The following GLI2 variants were observed in gnomAD, a reference collection of about 807,000 sequenced individuals.
GLI2 encodes the protein GLI family zinc finger 2, also known as transcription activator GLI2.
Under a neutral mutation model 78.9 loss-of-function variants are expected in GLI2, and 22 were observed. That is an observed-to-expected ratio of 0.28 (90% confidence interval 0.20 to 0.40). The LOEUF (loss-of-function observed/expected upper bound fraction) is 0.40. Among genes scored for constraint, GLI2 ranks in the 10% least tolerant of loss-of-function variants. The pLI is 1.00. For synonymous variants in GLI2, 974 were observed against 963.7 expected (o/e 1.01, Z -0.20); for missense variants, 2,097 against 2,213.2 (o/e 0.95, Z 1.05).
chr2:120,801,050 G>C (rs139339081), intron 2 of GLI2, among the ~76,000 whole-genome samples: 1 of 152,082 alleles, frequency 6.6e-6, no homozygotes, highest in Non-Finnish European at 1.5e-5. Flanking sequence ...CACCAGTTCC[G>C]AGAGCTTCCA....
At chr2:120,962,341 C>G (rs1681606727) in intron 5 of GLI2, among the ~76,000 whole-genome samples, 1 of 152,168 alleles carries the variant, frequency 6.6e-6, no homozygotes, top group African/African-American at 2.4e-5. Context: ...TGCCTGGTGC[C>G]TCGGAGTACT....
rs182594982 is a variant in GLI2 at position 120,759,817 on chromosome 2, C to T, written c.-31+23532C>T. Among the ~76,000 whole-genome samples the T allele has an allele frequency of 1.1e-4, 16 of 152,314 alleles. No individual in the cohort carries two copies. The East Asian group carries it at 3.1e-3, about 29-fold the overall frequency. ...CTTGGATTTTCAGGTGACCGGCTTCCATCCTGAAACTACCTAGGGCCTACC... is the reference window on the plus strand; with the variant it reads ...CTTGGATTTTCAGGTGACCGGCTTCTATCCTGAAACTACCTAGGGCCTACC... On this transcript the variant is annotated intron_variant, in intron 1 of 13. Coordinates refer to ENST00000361492, the MANE Select transcript of GLI2 (RefSeq NM_001374353.1).
chr2:120,814,585 G>A (rs536243502), intron 2 of GLI2, among the ~76,000 whole-genome samples: 2 of 152,150 alleles, frequency 1.3e-5, no homozygotes, highest in Non-Finnish European at 2.9e-5. Flanking sequence ...GCCGCATAGC[G>A]GGAGGTGAGC....
chr2:120,986,076 G>A (rs1682956169), intron 12 of GLI2, among the ~76,000 whole-genome samples: 1 of 152,268 alleles, frequency 6.6e-6, no homozygotes, highest in Non-Finnish European at 1.5e-5. Context: ...GGGAAGCCAA[G>A]GTTAAGAGAA....
At chr2:120,851,303 G>T (rs1687395288) in intron 2 of GLI2, among the ~76,000 whole-genome samples, 1 of 152,218 alleles carries the variant, frequency 6.6e-6, no homozygotes, top group African/African-American at 2.4e-5. Flanking sequence ...TGATGGCTAG[G>T]CTGGGCTGGG....
intron 3 of GLI2, among the ~76,000 whole-genome samples, chr2:120,928,116 A>G (rs970397437): frequency 1.3e-5 from 2 of 151,950 alleles, no homozygotes; most frequent in Admixed American, 6.5e-5. Flanking sequence ...TCCTCCTTCC[A>G]GGAAAGAAGG....
intron 2 of GLI2, among the ~76,000 whole-genome samples, chr2:120,818,230 C>T (rs1360093318): frequency 2.4e-4 from 37 of 152,180 alleles, no homozygotes; most frequent in Admixed American, 2.4e-3. Context: ...GCCTGCAGGG[C>T]AGGGGTGTGG....
chr2:120,759,434 G>A (rs1040368388), intron 1 of GLI2, among the ~76,000 whole-genome samples: 8 of 152,172 alleles, frequency 5.3e-5, no homozygotes, highest in South Asian at 2.1e-4. Context: ...TTCCCATGCC[G>A]CCTTCCTTGG....
chr2:120,744,537 A>G (rs947714000), intron 1 of GLI2, among the ~76,000 whole-genome samples: 6 of 152,242 alleles, frequency 3.9e-5, no homozygotes, highest in Non-Finnish European at 7.3e-5. Flanking sequence ...GGTACATAAT[A>G]TAGTAATTTA....
chr2:120,981,606 C>G (rs763273757), intron 10 of GLI2, among the ~76,000 whole-genome samples: 16 of 152,134 alleles, frequency 1.1e-4, no homozygotes, highest in Non-Finnish European at 8.8e-5. Flanking sequence ...CGTTTGGAGC[C>G]AAGCATGCTC....
rs1683071672 is a variant in GLI2, at chr2:120,988,203, C to G, written c.2243-5C>G. On this transcript the variant is annotated splice_polypyrimidine_tract_variant and splice_region_variant and intron_variant, in intron 13 of 13. Transcript: ENST00000361492. ...CCCGGTGCTGACCCCTCTGCTCTCCCGCAGGCTCCATCCTGGAAAACTTCA... is the reference window on the plus strand; with the variant it reads ...CCCGGTGCTGACCCCTCTGCTCTCCGGCAGGCTCCATCCTGGAAAACTTCA... The G allele has an allele frequency of 6.3e-7, 1 of 1,586,258 alleles. No homozygotes were observed. Among genetic ancestry groups the G allele is most frequent in the Non-Finnish European group, 8.5e-7 (1 of 1,169,780 alleles).
chr2:120,968,588 G>A lies in GLI2; in HGVS notation c.644-126G>A, dbSNP rs1208253880. The A allele has an allele frequency of 1.2e-5, 9 of 769,826 alleles. No homozygotes were observed. The Admixed American group carries it at 1.3e-4, about 11-fold the overall frequency. The allele number at this position is 769,826 out of a possible 1,614,324, so 47.7% of individuals were successfully genotyped here. ...ATCCTTCGCCCAAGAGCCCACAGCT[G>A]GAAAGTCGGCAAAGCTAGGATTCCC... On this transcript the variant is annotated intron_variant, in intron 5 of 13. Coordinates refer to ENST00000361492, the MANE Select transcript of GLI2 (RefSeq NM_001374353.1).
intron 1 of GLI2, among the ~76,000 whole-genome samples, chr2:120,745,327 T>C (rs1465193050): frequency 1.3e-5 from 2 of 152,208 alleles, no homozygotes. Flanking sequence ...CATTGGACAG[T>C]TTGAGTAGGT....
intron 5 of GLI2, among the ~76,000 whole-genome samples, chr2:120,961,354 G>C (rs1558917247): frequency 6.6e-6 from 1 of 152,194 alleles, no homozygotes; most frequent in Non-Finnish European, 1.5e-5. Context: ...AGTCAGACAG[G>C]GATCCCTTTC....
At chr2:120,917,644 G>T (rs116689797) in intron 2 of GLI2, among the ~76,000 whole-genome samples, 361 of 152,384 alleles carry the variant, frequency 2.4e-3, no homozygotes, top group African/African-American at 7.6e-3. Flanking sequence ...CACACAGGAG[G>T]AGCCTTCATG....
At chr2:120,963,906 G>A (rs1421190450) in intron 5 of GLI2, among the ~76,000 whole-genome samples, 1 of 152,238 alleles carries the variant, frequency 6.6e-6, no homozygotes, top group Non-Finnish European at 1.5e-5. Flanking sequence ...ATAGCATTGA[G>A]TAAGTGCTGT....
In GLI2 at chr2:120,740,796, T is replaced by C. The variant is rs188317559; in HGVS notation, c.-31+4511T>C. On this transcript the variant is annotated intron_variant, in intron 1 of 13. Transcript: ENST00000361492. ...TGAAATAAAGGGGACTTTTTATTCA[T>C]TAGCACGGGATTGGGATTGATTCCC... Among the ~76,000 whole-genome samples the C allele has an allele frequency of 1.2e-4, 19 of 152,380 alleles. No individual in the cohort carries two copies. The East Asian group carries it at 3.7e-3, about 29-fold the overall frequency.
At chr2:120,742,828 A>G (rs1371512063) in intron 1 of GLI2, among the ~76,000 whole-genome samples, 1 of 152,254 alleles carries the variant, frequency 6.6e-6, no homozygotes, top group African/African-American at 2.4e-5. Context: ...TTTAGCTGCC[A>G]TCATGAATTA....
At chr2:120,803,091 C>T (rs1424448037) in intron 2 of GLI2, among the ~76,000 whole-genome samples, 1 of 152,250 alleles carries the variant, frequency 6.6e-6, no homozygotes, top group Non-Finnish European at 1.5e-5. Flanking sequence ...AGCTGCAGTG[C>T]AGAGATTACA....
Sources: gnomAD v4.1 joint callset for allele counts (sites outside exome capture counted in the v4.1 genomes callset) on GRCh38, gnomAD v4.1.1 for gene constraint, MANE v1.5 for transcripts, NCBI Gene and HGNC (gene_info 2026-07-23, HGNC 2026-07-21) for gene names.